Variants in NRBP1 observed in about 807,000 individuals in gnomAD.
The protein encoded by NRBP1 is nuclear receptor-binding protein.
A neutral mutation model predicts 76.0 loss-of-function variants in NRBP1; 10 were observed. That is an observed-to-expected ratio of 0.13 (90% CI 0.08 to 0.22). The LOEUF is 0.22. Among genes scored for constraint, NRBP1 ranks in the 10% least tolerant of loss-of-function variants. The probability of loss-of-function intolerance (pLI) is 1.00; values close to 1 mark genes in which losing one functional copy is unlikely to be tolerated. For synonymous variants in NRBP1, 235 were observed against 240.2 expected, an observed-to-expected ratio of 0.98 and a Z score of 0.20; for missense variants, 344 against 646.0, an observed-to-expected ratio of 0.53 and a Z score of 5.07.
chr2:27,435,430 G>GAAGGGAA (rs951021713), intron 7 of NRBP1, among the ~76,000 whole-genome samples: 1 of 152,122 alleles, frequency 6.6e-6, no homozygotes, highest in African/African-American at 2.4e-5. Context: ...ACACCTTTTT[G>GAAGGGAA]AAGGGAAAAT....
At chr2:27,438,395 A>G (rs1232957000) in intron 10 of NRBP1, among the ~76,000 whole-genome samples, 1 of 152,222 alleles carries the variant, frequency 6.6e-6, no homozygotes. Flanking sequence ...TTTAAAAGAC[A>G]TAAGGTTATG....
In NRBP1 at chr2:27,433,298, G is replaced by C. The variant is rs775353105; in HGVS notation, c.25G>C (p.Val9Leu). The change falls in exon 2 of 18, where the codon GTA becomes CTA. Residue 9 changes from valine to leucine, a missense_variant. Physicochemically the swap from Val to Leu is conservative, Grantham distance 32. Coordinates refer to ENST00000379852, the MANE Select transcript of NRBP1 (RefSeq NM_013392.4). MSEGESQT[V>L]LSSGSDPKVE... ...CATGTCGGAGGGGGAGTCCCAGACA[G>C]TACTTAGCAGTGGCTCAGACCCAAA... 6.8e-6 allele frequency: 11 copies of C among 1,614,082 alleles called. No homozygotes were observed. In the Admixed American group the frequency reaches 1.8e-4, roughly 27 times the overall value.
intron 8 of NRBP1, 70 bp from the exon 9 acceptor site, chr2:27,436,977 T>C (rs76680230): frequency 1.6e-5 from 23 of 1,480,296 alleles, no homozygotes; most frequent in Admixed American, 1.2e-4. Context: ...TTTTTTTTTT[T>C]CCTAAGGCAT....
intron 9 of NRBP1, 34 bp from the exon 10 acceptor site, chr2:27,437,228 T>G (rs1376533210): frequency 6.3e-7 from 1 of 1,589,534 alleles, no homozygotes; most frequent in Non-Finnish European, 8.6e-7. Context: ...AGTTCTTAGG[T>G]GTCTACTTTT....
At chr2:27,431,041 C>G (rs1291319773) in intron 1 of NRBP1, among the ~76,000 whole-genome samples, 1 of 152,230 alleles carries the variant, frequency 6.6e-6, no homozygotes, top group African/African-American at 2.4e-5. Flanking sequence ...TGGCTCACGC[C>G]TGTAATCCCA....
At chr2:27,433,041 A>G (rs922847295) in intron 1 of NRBP1, among the ~76,000 whole-genome samples, 1 of 151,968 alleles carries the variant, frequency 6.6e-6, no homozygotes, top group Admixed American at 6.6e-5. Flanking sequence ...CACCACACCC[A>G]GCTAATTTTG....
At position 27,433,375 on chromosome 2, in the gene NRBP1, G is replaced by A. The variant is rs1664181354; in HGVS notation, c.102G>A (p.Val34=). 1 of 1,614,092 alleles carries A rather than the reference G, an allele frequency of 6.2e-7. No homozygotes were observed. The highest frequency in any genetic ancestry group is 8.5e-7 in the Non-Finnish European group (1 of 1,180,056). The change falls in exon 2 of 18, where the codon GTG becomes GTA. Residue 34 remains valine, a synonymous_variant. Transcript: ENST00000379852. The stretch of plus-strand genomic sequence containing the variant: ...GCCTGACATCAGTGTCACCTCCTGT[G>A]ACCTCCACAACCTCAGCTGCTTCCC... ...APGLTSVSPP[V]TSTTSAASPE...
Position 27,439,995 on chromosome 2 carries a change from C to CTTTTTTTTTTTTT in NRBP1, c.1036+121_1036+133dup, listed in dbSNP as rs70953859. 7 of 459,762 alleles carry CTTTTTTTTTTTTT rather than the reference C, an allele frequency of 1.5e-5. 2 individuals are homozygous for CTTTTTTTTTTTTT. Among genetic ancestry groups the CTTTTTTTTTTTTT allele is most frequent in the South Asian group, 2.9e-5 (1 of 33,908 alleles). 28.5% of individuals were successfully genotyped at this position (459,762 alleles called of 1,614,324 possible). A position where few individuals can be genotyped will look rare whatever the true frequency, so the allele number is the denominator to read the frequency against. ...TTTCCTCTTTATTTCCAAAGGGATTCTTTTTTTTTTTTTTTTTTTTTTTTT... is the reference window on the plus strand; with the variant it reads ...TTTCCTCTTTATTTCCAAAGGGATTCTTTTTTTTTTTTTTTTTTTTTTTTTTTTTTTTTTTTTT... On this transcript the variant is annotated intron_variant, in intron 11 of 17. Transcript: ENST00000379852.
Position 27,442,218 on chromosome 2 carries a change from G to A in NRBP1, c.*406G>A, listed in dbSNP as rs368081851. On this transcript the variant is annotated 3_prime_UTR_variant, in exon 18 of 18. Coordinates refer to ENST00000379852, the MANE Select transcript of NRBP1 (RefSeq NM_013392.4). ...GTGGCCCTGGGGGGCCATTCGATTC[G>A]CCTCAGTTGCTGCTGTAATAAAAGT... is the stretch of plus-strand genomic sequence containing the variant. 1.1e-4 allele frequency: 61 copies of A among 555,484 alleles called. No individual in the cohort carries two copies. The highest frequency in any genetic ancestry group is 6.7e-4 in the East Asian group (20 of 29,866). 34.4% of individuals were successfully genotyped at this position (555,484 alleles called of 1,614,324 possible).
chr2:27,437,976 C>A (rs565504225), intron 10 of NRBP1, among the ~76,000 whole-genome samples: 2 of 152,008 alleles, frequency 1.3e-5, no homozygotes, highest in East Asian at 3.9e-4. Context: ...CACTTGAGGT[C>A]AGGAGTTTGA....
intron 10 of NRBP1, among the ~76,000 whole-genome samples, chr2:27,437,741 C>T (rs866289540): frequency 1.9e-4 from 29 of 151,500 alleles, no homozygotes; most frequent in South Asian, 1.9e-3. Flanking sequence ...GGCTTGGTGG[C>T]GGGAGCCTGT....
Position 27,440,847 on chromosome 2 carries a change from C to A in NRBP1, c.1236C>A (p.Pro412=). 4.3e-6 allele frequency: 7 copies of A among 1,614,042 alleles called. No homozygotes were observed. The highest frequency in any genetic ancestry group is 5.9e-6 in the Non-Finnish European group (7 of 1,180,022). Residue 412 remains proline, a synonymous_variant, in exon 14 of 18, where the codon CCC becomes CCA. Transcript: ENST00000379852. ...TGACAGCCTTTGGGCTGCCTCGGCCCCAGCAGCCACAGCAGGAGGAGGTGA... is the reference window on the plus strand; with the variant it reads ...TGACAGCCTTTGGGCTGCCTCGGCCACAGCAGCCACAGCAGGAGGAGGTGA... ...YPLTAFGLPR[P]QQPQQEEVTS...
At chr2:27,428,486 G>C (rs965149750), upstream of NRBP1, 3 of 394,610 alleles carry the variant, frequency 7.6e-6, no homozygotes, top group Non-Finnish European at 1.3e-5. Context: ...CCGGCGCAAG[G>C]GGAGGAGAGC....
At position 27,440,461 on chromosome 2, in the gene NRBP1, A is replaced by T; in HGVS notation, c.1095A>T (p.Val365=). 6.2e-7 allele frequency: 1 copy of T among 1,614,180 alleles called. No homozygotes were observed. The highest frequency in any genetic ancestry group is 8.5e-7 in the Non-Finnish European group (1 of 1,180,006). The change falls in exon 12 of 18, where the codon GTA becomes GTT. Residue 365 remains valine, a synonymous_variant. Transcript: ENST00000379852. The stretch of plus-strand genomic sequence containing the variant: ...CCAAAAACATGGATACTAGTGCCGT[A>T]CTGGCTGAAATCCCTGCAGGACCAG... ...EITKNMDTSA[V]LAEIPAGPGR...
intron 16 of NRBP1, 103 bp downstream of exon 16, chr2:27,441,433 C>T: frequency 2.1e-6 from 3 of 1,412,634 alleles, no homozygotes; most frequent in Admixed American, 3.4e-5. Flanking sequence ...CACATTGACT[C>T]ACATAGAATG....
At chr2:27,437,232 T>G in intron 9 of NRBP1, 30 bp from the exon 10 acceptor site, 1 of 1,592,424 alleles carries the variant, frequency 6.3e-7, no homozygotes, top group Middle Eastern at 1.7e-4. Context: ...CTTAGGTGTC[T>G]ACTTTTTTTT....
intron 16 of NRBP1, 41 bp from the exon 17 acceptor site, chr2:27,441,526 C>G (rs1390072170): frequency 4.4e-6 from 7 of 1,608,772 alleles, no homozygotes; most frequent in Middle Eastern, 3.3e-4. Flanking sequence ...CCAGGTCCCT[C>G]AGTCCCGTAC....
chr2:27,437,434 C>T, intron 10 of NRBP1, 74 bp downstream of exon 10: 1 of 1,067,380 alleles, frequency 9.4e-7, no homozygotes, highest in East Asian at 2.4e-5. Flanking sequence ...TTTGTACCCA[C>T]TGGGTATATG....
At position 27,441,284 on chromosome 2, in the gene NRBP1, G is replaced by A; in HGVS notation, c.1401G>A (p.Lys467=). 1.9e-6 allele frequency: 3 copies of A among 1,614,202 alleles called. No homozygotes were observed. The highest frequency in any genetic ancestry group is 2.5e-6 in the Non-Finnish European group (3 of 1,180,040). ...GVKHHLTLLL[K]LEDKLNRHLS... ...TTCTCCAGCTGACACTTCTGCTGAAGTTGGAGGACAAACTGAACCGGCACC... is the reference window on the plus strand; with the variant it reads ...TTCTCCAGCTGACACTTCTGCTGAAATTGGAGGACAAACTGAACCGGCACC... The change falls in exon 16 of 18, where the codon AAG becomes AAA. Residue 467 remains lysine (K), a synonymous_variant. Transcript: ENST00000379852.
Sources: allele counts gnomAD v4.1 joint callset (sites outside exome capture counted in the v4.1 genomes callset), GRCh38; gene constraint gnomAD v4.1.1; transcripts MANE v1.5; gene names NCBI Gene and HGNC (gene_info 2026-07-23, HGNC 2026-07-21).